Variants in PCDH15 observed in about 807,000 individuals in gnomAD.
The protein encoded by PCDH15 is protocadherin-15.
A neutral mutation model predicts 178.5 loss-of-function variants in PCDH15; 129 were observed. The observed-to-expected ratio is 0.72, with a 90% CI of 0.63 to 0.84. The LOEUF (loss-of-function observed/expected upper bound fraction) is 0.84. PCDH15 is among the 40% of genes least tolerant of loss of function. PCDH15 has a pLI of 0.00. For synonymous variants in PCDH15, 800 were observed against 732.0 expected, an observed-to-expected ratio of 1.09 and a Z score of -1.50; for missense variants, 2,230 against 2,099.9, an observed-to-expected ratio of 1.06 and a Z score of -1.21.
chr10:54,272,101 A>T (rs2058087838), intron 8 of PCDH15, among the ~76,000 whole-genome samples: 1 of 146,650 alleles, frequency 6.8e-6, no homozygotes, highest in African/African-American at 2.5e-5. Context: ...ATACTTAATA[A>T]TGTAGTACAA....
chr10:55,195,672 A>G (rs1194953531), intron 1 of PCDH15, among the ~76,000 whole-genome samples: 5 of 145,838 alleles, frequency 3.4e-5, no homozygotes, highest in Non-Finnish European at 7.5e-5. Flanking sequence ...AAAAAAAAAA[A>G]GTAGTAAAGG....
At chr10:55,393,342 G>A (rs1837846085) in intron 2 of PCDH15, among the ~76,000 whole-genome samples, 1 of 152,114 alleles carries the variant, frequency 6.6e-6, no homozygotes, top group South Asian at 2.1e-4. Flanking sequence ...CCACACTGTA[G>A]GAACTACTGA....
At chr10:54,215,769 C>T (rs1743801901) in intron 9 of PCDH15, among the ~76,000 whole-genome samples, 1 of 152,054 alleles carries the variant, frequency 6.6e-6, no homozygotes, top group South Asian at 2.1e-4. Context: ...CGGCCGGGCG[C>T]GGTGGCTCAC....
chr10:53,879,303 T>C (rs1255909891), intron 26 of PCDH15, among the ~76,000 whole-genome samples: 1 of 152,178 alleles, frequency 6.6e-6, no homozygotes, highest in African/African-American at 2.4e-5. Flanking sequence ...TATTGATGTC[T>C]CTTTACTGAA....
chr10:54,039,183 G>A (rs1442431984), intron 18 of PCDH15, among the ~76,000 whole-genome samples: 3 of 151,972 alleles, frequency 2.0e-5, no homozygotes, highest in African/African-American at 7.2e-5. Flanking sequence ...GCAAATAAGA[G>A]TATTTGGATT....
At chr10:55,428,953 C>T (rs2132054453) in intron 2 of PCDH15, among the ~76,000 whole-genome samples, 1 of 151,954 alleles carries the variant, frequency 6.6e-6, no homozygotes. Context: ...ATTAATGTGA[C>T]ATTCTACCAC....
chr10:54,099,513 A>ATAATAT (rs1554965278), intron 15 of PCDH15, among the ~76,000 whole-genome samples: 5 of 117,932 alleles, frequency 4.2e-5, no homozygotes, highest in African/African-American at 1.9e-4. Context: ...AAAAAAAAAA[A>ATAATAT]ATATATATAT....
chr10:55,000,317 G>T (rs532955327), intron 2 of PCDH15, among the ~76,000 whole-genome samples: 1 of 152,262 alleles, frequency 6.6e-6, no homozygotes, highest in South Asian at 2.1e-4. Flanking sequence ...CTGAGAAAAA[G>T]AATTCAGCGA....
chr10:55,548,137 A>G (rs1008873240), intron 2 of PCDH15, among the ~76,000 whole-genome samples: 4 of 150,830 alleles, frequency 2.7e-5, no homozygotes, highest in Admixed American at 2.0e-4. Context: ...TATTTGAGAC[A>G]CCTTACCTGA....
At chr10:55,004,381 C>A (rs1302526291) in intron 2 of PCDH15, among the ~76,000 whole-genome samples, 1 of 152,108 alleles carries the variant, frequency 6.6e-6, no homozygotes, top group South Asian at 2.1e-4. Context: ...TTTATGGTTT[C>A]TTCTGAATAA....
chr10:54,015,530 AT>A (rs1429389194), intron 20 of PCDH15, among the ~76,000 whole-genome samples: 1 of 152,218 alleles, frequency 6.6e-6, no homozygotes, highest in Non-Finnish European at 1.5e-5. Flanking sequence ...CCAAAACGGC[AT>A]TGTCCTGGTA....
At chr10:54,357,633 T>C (rs1403665217) in intron 5 of PCDH15, among the ~76,000 whole-genome samples, 1 of 152,168 alleles carries the variant, frequency 6.6e-6, no homozygotes, top group Non-Finnish European at 1.5e-5. Flanking sequence ...AAGCTATGAA[T>C]GACTTTCTTC....
intron 2 of PCDH15, among the ~76,000 whole-genome samples, chr10:55,553,396 A>C (rs1270637590): frequency 6.6e-6 from 1 of 151,886 alleles, no homozygotes; most frequent in Non-Finnish European, 1.5e-5. Context: ...AAAATAAATC[A>C]TTATTACTCA....
chr10:55,236,396 G>A (rs1026817561), intron 1 of PCDH15, among the ~76,000 whole-genome samples: 1 of 151,992 alleles, frequency 6.6e-6, no homozygotes, highest in African/African-American at 2.4e-5. Context: ...AGACCTTTCT[G>A]AAAATACATA....
chr10:54,896,897 C>A (rs551856402), intron 3 of PCDH15, among the ~76,000 whole-genome samples: 2 of 152,176 alleles, frequency 1.3e-5, no homozygotes, highest in South Asian at 4.1e-4. Flanking sequence ...ATATTAGGTG[C>A]TTTTATGTGA....
intron 3 of PCDH15, among the ~76,000 whole-genome samples, chr10:54,421,891 C>CACGATATATATATAT (rs1565231816): frequency 1.2e-5 from 1 of 80,254 alleles, no homozygotes. Flanking sequence ...TATACACACA[C>CACGATATATATATAT]ACACTATATA....
intron 3 of PCDH15, among the ~76,000 whole-genome samples, chr10:54,832,497 G>A (rs1378496709): frequency 1.3e-5 from 2 of 152,152 alleles, no homozygotes; most frequent in African/African-American, 4.8e-5. Flanking sequence ...GAAAGGTTAA[G>A]GTTACTTTTC....
chr10:54,648,123 T>C (rs1321835178), intron 2 of PCDH15, among the ~76,000 whole-genome samples: 1 of 152,136 alleles, frequency 6.6e-6, no homozygotes, highest in Non-Finnish European at 1.5e-5. Context: ...ATTTATTACA[T>C]ATTAATTCCA....
intron 2 of PCDH15, among the ~76,000 whole-genome samples, chr10:54,647,748 T>C (rs1180742059): frequency 6.6e-6 from 1 of 152,124 alleles, no homozygotes; most frequent in Non-Finnish European, 1.5e-5. Flanking sequence ...TGATTGACCA[T>C]TGATTTCTTC....
Sources: gnomAD v4.1 joint callset for allele counts (sites outside exome capture counted in the v4.1 genomes callset) on GRCh38, gnomAD v4.1.1 for gene constraint, MANE v1.5 for transcripts, NCBI Gene and HGNC (gene_info 2026-07-23, HGNC 2026-07-21) for gene names.